FAIM2: variants seen among roughly 807,000 people sequenced by gnomAD.
The protein encoded by FAIM2 is Fas apoptotic inhibitory molecule 2, also known as protein lifeguard 2.
Under a neutral mutation model 47.4 loss-of-function variants are expected in FAIM2, and 27 were observed. The ratio of observed to expected loss-of-function variants is 0.57; its 90% confidence interval spans 0.42 to 0.78. The LOEUF is 0.78. FAIM2 is among the 30% of genes least tolerant of loss of function. The pLI is 0.00. For missense variants in FAIM2, 311 were observed against 389.4 expected, an observed-to-expected ratio of 0.80 and a Z score of 1.69; for synonymous variants, 156 against 159.3, an observed-to-expected ratio of 0.98 and a Z score of 0.16.
In FAIM2 at chr12:49,874,415, A is replaced by G. The variant is rs1314931245; in HGVS notation, c.802-3762T>C. 2.6e-5 allele frequency among the ~76,000 whole-genome samples: 4 copies of G among 152,166 alleles called. No homozygotes were observed. The highest frequency in any genetic ancestry group is 7.2e-5 in the African/African-American group (3 of 41,510). ...TGCCGTCTCCTATGCTGGTGGAGAT[A>G]GGGGAGGAGTGGGCTTGCAGGGAGG... On this transcript the variant is annotated intron_variant, in intron 11 of 11. Coordinates refer to ENST00000320634, the MANE Select transcript of FAIM2 (RefSeq NM_012306.4). The surrounding 1 kb of genome is among the most constrained non-coding windows in gnomAD (Gnocchi z 4.2).
chr12:49,897,773 C>T (rs569437955), intron 3 of FAIM2, among the ~76,000 whole-genome samples, 190 bp from the exon 4 acceptor site: 1 of 152,016 alleles, frequency 6.6e-6, no homozygotes, highest in African/African-American at 2.4e-5. Flanking sequence ...CACCCCCCCC[C>T]AGCATTGGGA....
chr12:49,890,049 G>A lies in FAIM2; in HGVS notation c.563+68C>T, dbSNP rs584830. On this transcript the variant is annotated intron_variant, in intron 8 of 11. Coordinates refer to ENST00000320634, the MANE Select transcript of FAIM2 (RefSeq NM_012306.4). ...CCATGTGTGTGGGGCAGCTCCCCTCGGGTGTGGCTGGTGCCTGGCTCCAAG... is the reference window on the plus strand; with the variant it reads ...CCATGTGTGTGGGGCAGCTCCCCTCAGGTGTGGCTGGTGCCTGGCTCCAAG... 4,101 of 1,498,556 alleles carry A rather than the reference G, an allele frequency of 2.7e-3. 89 individuals are homozygous for A. In the African/African-American group the frequency reaches 0.049, roughly 18 times the overall value. The allele number at this position is 1,498,556 out of a possible 1,614,324, so 92.8% of individuals were successfully genotyped here.
chr12:49,898,145 G>A, intron 2 of FAIM2, 55 bp from the exon 3 acceptor site: 1 of 1,257,056 alleles, frequency 8.0e-7, no homozygotes, highest in South Asian at 1.2e-5. Flanking sequence ...TAGAATTACT[G>A]TCCCCAACAG....
chr12:49,880,503 TATGA>T (rs1352845510), intron 11 of FAIM2, among the ~76,000 whole-genome samples: 1 of 149,138 alleles, frequency 6.7e-6, no homozygotes, highest in African/African-American at 2.5e-5. Context: ...TATGTGTGTG[TATGA>T]GTGTGTATGT....
chr12:49,899,446 C>G (rs1182353719), intron 2 of FAIM2, among the ~76,000 whole-genome samples: 2 of 152,196 alleles, frequency 1.3e-5, no homozygotes, highest in Admixed American at 6.5e-5. Flanking sequence ...TTAAGAAAGC[C>G]TCCGCGGCCT....
intron 11 of FAIM2, among the ~76,000 whole-genome samples, chr12:49,883,714 C>T (rs574465263): frequency 1.1e-4 from 17 of 152,190 alleles, no homozygotes; most frequent in Admixed American, 4.6e-4. Flanking sequence ...AGAGAAGAGT[C>T]GGCCTTTTGC....
At chr12:49,903,084 A>G (rs1231855985) in intron 1 of FAIM2, among the ~76,000 whole-genome samples, 3 of 152,128 alleles carry the variant, frequency 2.0e-5, no homozygotes, top group Admixed American at 6.5e-5. Context: ...TAGTGGTTGT[A>G]TAATTCCACA....
At chr12:49,899,214 G>A (rs1206689859) in intron 2 of FAIM2, among the ~76,000 whole-genome samples, 1 of 152,074 alleles carries the variant, frequency 6.6e-6, no homozygotes, top group African/African-American at 2.4e-5. Context: ...CTCTCTGGTG[G>A]GAACTACACA....
intron 9 of FAIM2, 41 bp from the exon 10 acceptor site, chr12:49,889,243 C>T (rs1402426813): frequency 6.6e-7 from 1 of 1,518,094 alleles, no homozygotes; most frequent in Non-Finnish European, 9.0e-7. Context: ...AGCGGCCTGA[C>T]CTTCCTGGGG....
Position 49,886,323 on chromosome 12 carries a change from C to T in FAIM2, c.801+1063G>A, listed in dbSNP as rs149476504. ...CTCTTGCCTCCTGGGCATCTGCTTC[C>T]GGCCACTCCCCACTTAGCCTCAGAC... On this transcript the variant is annotated intron_variant, in intron 11 of 11. Coordinates refer to ENST00000320634, the MANE Select transcript of FAIM2 (RefSeq NM_012306.4). Among the ~76,000 whole-genome samples the T allele has an allele frequency of 1.2e-3, 177 of 152,252 alleles. 1 individual carries two copies. Among genetic ancestry groups the T allele is most frequent in the African/African-American group, 3.9e-3 (164 of 41,546 alleles).
rs771342070 is a variant in FAIM2, at chr12:49,887,443, C to T, written c.748-4G>A. 4.1e-5 allele frequency: 66 copies of T among 1,610,016 alleles called. No homozygotes were observed. Among genetic ancestry groups the T allele is most frequent in the Non-Finnish European group, 5.3e-5 (62 of 1,178,002 alleles). ...AAACTGCATGGAGCCAGGGCACCTG[C>T]GGCAGAGGAAAAATGGGCTTAGGGA... On this transcript the variant is annotated splice_region_variant and splice_polypyrimidine_tract_variant and intron_variant, in intron 10 of 11. Coordinates refer to ENST00000320634, the MANE Select transcript of FAIM2 (RefSeq NM_012306.4).
intron 2 of FAIM2, chr12:49,900,220 G>A: frequency 7.8e-7 from 1 of 1,287,584 alleles, no homozygotes; most frequent in South Asian, 1.2e-5. Flanking sequence ...CAGGGGATTT[G>A]TAGTGGGAGG....
intron 1 of FAIM2, chr12:49,901,533 G>C (rs1455071091): frequency 2.1e-6 from 1 of 479,640 alleles, no homozygotes. Flanking sequence ...GCACATGGTG[G>C]AGCTGGGATA....
At chr12:49,872,829 C>G (rs149223889) in intron 11 of FAIM2, among the ~76,000 whole-genome samples, 57 of 152,300 alleles carry the variant, frequency 3.7e-4, no homozygotes, top group Admixed American at 1.2e-3. Context: ...GGGAGATGAG[C>G]GTGCCTGCCT....
chr12:49,875,206 C>T (rs898344117), intron 11 of FAIM2, among the ~76,000 whole-genome samples: 8 of 152,156 alleles, frequency 5.3e-5, no homozygotes, highest in African/African-American at 1.7e-4. Flanking sequence ...AAGAAGAGTT[C>T]GTGAACTCTT....
rs1301340555 is a variant in FAIM2 at position 49,898,172 on chromosome 12, G to A, written c.212-82C>T. 4.7e-6 allele frequency: 4 copies of A among 855,378 alleles called. No individual in the cohort carries two copies. In the African/African-American group the frequency reaches 7.8e-5, roughly 17 times the overall value. The allele number at this position is 855,378 out of a possible 1,614,324, so 53.0% of individuals were successfully genotyped here. On this transcript the variant is annotated intron_variant, in intron 2 of 11. Transcript: ENST00000320634. ...CCCCAACAGCCCCCAACTCAAAGCTGCCTTTTTGTCAACCTGGCTCTCTGG... is the reference window on the plus strand; with the variant it reads ...CCCCAACAGCCCCCAACTCAAAGCTACCTTTTTGTCAACCTGGCTCTCTGG...
intron 5 of FAIM2, among the ~76,000 whole-genome samples, chr12:49,893,393 T>C (rs1946914063): frequency 6.6e-6 from 1 of 152,176 alleles, no homozygotes; most frequent in South Asian, 2.1e-4. Context: ...TTCTGTGCAC[T>C]GCAGGCATAC....
intron 5 of FAIM2, 145 bp downstream of exon 5, chr12:49,896,886 C>T: frequency 1.4e-6 from 1 of 716,540 alleles, no homozygotes; most frequent in Non-Finnish European, 2.5e-6. Flanking sequence ...CAGAATGGGG[C>T]AGGGTTGGAG....
At chr12:49,871,565 G>T (rs191988239) in intron 11 of FAIM2, among the ~76,000 whole-genome samples, 1 of 152,250 alleles carries the variant, frequency 6.6e-6, no homozygotes, top group Non-Finnish European at 1.5e-5. Context: ...GGCAGGCGTG[G>T]TGCGCTTTTC....
Sources: gnomAD v4.1 joint callset for allele counts (sites outside exome capture counted in the v4.1 genomes callset) on GRCh38, gnomAD v4.1.1 for gene constraint, Gnocchi (gnomAD v3.1) non-coding constraint, MANE v1.5 for transcripts, NCBI Gene and HGNC (gene_info 2026-07-23, HGNC 2026-07-21) for gene names.